TTC28: variants seen among roughly 807,000 people sequenced by gnomAD.
The protein encoded by TTC28 is tetratricopeptide repeat protein 28.
In TTC28, 61 loss-of-function variants were observed where a neutral mutation model predicts 198.0. The observed-to-expected ratio is 0.31, with a 90% CI of 0.25 to 0.38. The LOEUF (loss-of-function observed/expected upper bound fraction) is 0.38. TTC28 is among the 10% of genes least tolerant of loss of function. TTC28 has a pLI of 1.00. For missense variants in TTC28, 2,678 were observed against 3,164.0 expected (o/e 0.85, Z 3.69); for synonymous variants, 1,171 against 1,297.8 (o/e 0.90, Z 2.10).
intron 5 of TTC28, among the ~76,000 whole-genome samples, chr22:28,291,450 T>TA (rs1427293767): frequency 3.3e-5 from 5 of 152,152 alleles, no homozygotes; most frequent in Admixed American, 6.5e-5. Flanking sequence ...AAAGAAATTT[T>TA]AAAAAACAGT....
At chr22:28,341,682 C>A (rs1292180568) in intron 2 of TTC28, among the ~76,000 whole-genome samples, 1 of 151,802 alleles carries the variant, frequency 6.6e-6, no homozygotes, top group Non-Finnish European at 1.5e-5. Context: ...CCCAGCTACT[C>A]GGGAGGTTGA....
intron 3 of TTC28, among the ~76,000 whole-genome samples, chr22:28,306,038 A>AT (rs1374651217): frequency 6.6e-6 from 1 of 152,188 alleles, no homozygotes; most frequent in East Asian, 1.9e-4. Flanking sequence ...CTACAATTAG[A>AT]TATGTATTTC....
intron 5 of TTC28, among the ~76,000 whole-genome samples, chr22:28,262,851 C>T (rs1192491612): frequency 1.3e-5 from 2 of 152,066 alleles, no homozygotes; most frequent in Non-Finnish European, 1.5e-5. Flanking sequence ...AGAATGACTA[C>T]CAGAAGCCAG....
intron 2 of TTC28, among the ~76,000 whole-genome samples, chr22:28,373,577 T>C (rs941062622): frequency 4.6e-5 from 7 of 152,234 alleles, no homozygotes; most frequent in Non-Finnish European, 8.8e-5. Context: ...TACCATTTAA[T>C]GTAGATTTAT....
chr22:28,049,864 A>G (rs1940018494), intron 12 of TTC28, among the ~76,000 whole-genome samples: 2 of 151,964 alleles, frequency 1.3e-5, no homozygotes, highest in Non-Finnish European at 2.9e-5. Flanking sequence ...CTGTGGGGAA[A>G]AGCATTCTAT....
chr22:28,144,377 T>C (rs1293838722), intron 6 of TTC28, among the ~76,000 whole-genome samples: 1 of 152,246 alleles, frequency 6.6e-6, no homozygotes, highest in East Asian at 1.9e-4. Flanking sequence ...GGAAGATGGT[T>C]TGGAAAGCTA....
rs143180711 is a variant in TTC28 at position 28,002,898 on chromosome 22, C to T, written c.4219-1345G>A. Among the ~76,000 whole-genome samples the T allele has an allele frequency of 9.3e-3, 1,421 of 152,242 alleles. 25 individuals are homozygous for T. Among genetic ancestry groups the T allele is most frequent in the African/African-American group, 0.032 (1,323 of 41,542 alleles). Reference sequence around the variant, plus strand: ...ACTCAGGAGGCTGAGGCAGGAGAATCGCTTGAACCCAGGAGGTGAAGATTG... The same window carrying T: ...ACTCAGGAGGCTGAGGCAGGAGAATTGCTTGAACCCAGGAGGTGAAGATTG... On this transcript the variant is annotated intron_variant, in intron 14 of 22. Coordinates refer to ENST00000397906, the MANE Select transcript of TTC28 (RefSeq NM_001145418.2).
intron 1 of TTC28, among the ~76,000 whole-genome samples, chr22:28,675,396 A>C (rs1046018563): frequency 2.0e-5 from 3 of 152,178 alleles, no homozygotes; most frequent in African/African-American, 7.2e-5. Context: ...TGAGCAACAA[A>C]GAAAAAACAG....
chr22:28,349,001 G>A (rs1478521109), intron 2 of TTC28, among the ~76,000 whole-genome samples: 3 of 152,104 alleles, frequency 2.0e-5, no homozygotes, highest in Non-Finnish European at 4.4e-5. Flanking sequence ...ACAGTGCCCT[G>A]ACAAAAAACA....
chr22:28,432,286 A>AAAATAAAT (rs548317275), intron 2 of TTC28, among the ~76,000 whole-genome samples: 2 of 151,654 alleles, frequency 1.3e-5, no homozygotes, highest in Admixed American at 6.6e-5. Context: ...ACTCTGTCTC[A>AAAATAAAT]AAATAAATAA....
At chr22:28,354,552 C>T (rs1284656369) in intron 2 of TTC28, among the ~76,000 whole-genome samples, 2 of 152,052 alleles carry the variant, frequency 1.3e-5, no homozygotes, top group Admixed American at 6.6e-5. Context: ...TATTTAATGA[C>T]TAGAGAGTTT....
intron 5 of TTC28, among the ~76,000 whole-genome samples, chr22:28,280,976 C>T (rs1378034739): frequency 6.6e-6 from 1 of 152,132 alleles, no homozygotes; most frequent in Admixed American, 6.5e-5. Flanking sequence ...TGTATTATTG[C>T]TCCCCCTCTA....
chr22:28,309,597 A>G (rs1269735090), intron 2 of TTC28, among the ~76,000 whole-genome samples: 2 of 152,218 alleles, frequency 1.3e-5, no homozygotes. Flanking sequence ...TTATCTTATT[A>G]TCACAGGTCT....
intron 5 of TTC28, among the ~76,000 whole-genome samples, chr22:28,196,921 G>A (rs1274304544): frequency 6.6e-6 from 1 of 152,018 alleles, no homozygotes; most frequent in Non-Finnish European, 1.5e-5. Context: ...CCATTACTTG[G>A]TATATACCCA....
chr22:28,677,992 G>C (rs2145722948), intron 1 of TTC28, among the ~76,000 whole-genome samples: 2 of 151,562 alleles, frequency 1.3e-5, no homozygotes, highest in East Asian at 3.9e-4. Flanking sequence ...AAATCACAAA[G>C]ACTACAAATA....
In TTC28 at chr22:28,604,283, G is replaced by GA. The variant is rs754524103; in HGVS notation, c.381+25268dup. 2.5e-3 allele frequency among the ~76,000 whole-genome samples: 192 copies of GA among 77,334 alleles called. 4 individuals carry two copies. Among genetic ancestry groups the GA allele is most frequent in the Non-Finnish European group, 4.0e-3 (162 of 40,138 alleles). 50.7% of individuals were successfully genotyped at this position (77,334 alleles called of 152,430 possible). On this transcript the variant is annotated intron_variant, in intron 2 of 22. Coordinates refer to ENST00000397906, the MANE Select transcript of TTC28 (RefSeq NM_001145418.2). ...ACAGAGCAAGACTCAGTCTTAAACA[G>GA]AAAAAAAAAAAAATTATATATATAT...
intron 13 of TTC28, among the ~76,000 whole-genome samples, chr22:28,027,752 G>A (rs748762995): frequency 5.3e-5 from 8 of 152,256 alleles, no homozygotes; most frequent in Non-Finnish European, 1.0e-4. Context: ...TCTTAGCCCA[G>A]ATCCCTGGCC....
intron 2 of TTC28, among the ~76,000 whole-genome samples, chr22:28,320,816 G>T (rs1382528512): frequency 6.6e-6 from 1 of 152,144 alleles, no homozygotes; most frequent in East Asian, 1.9e-4. Context: ...CTAAATAATG[G>T]TGTTTTCTAA....
chr22:28,082,416 G>C (rs747815914), intron 12 of TTC28, among the ~76,000 whole-genome samples: 3 of 152,164 alleles, frequency 2.0e-5, no homozygotes, highest in Non-Finnish European at 4.4e-5. Flanking sequence ...CTATGTTGAG[G>C]TAATTTCCTT....
Sources: gnomAD v4.1 joint callset for allele counts (sites outside exome capture counted in the v4.1 genomes callset) on GRCh38, gnomAD v4.1.1 for gene constraint, MANE v1.5 for transcripts, NCBI Gene and HGNC (gene_info 2026-07-23, HGNC 2026-07-21) for gene names.